CARD9: variants seen among roughly 807,000 people sequenced by gnomAD.
CARD9 encodes the protein caspase recruitment domain-containing protein 9.
Under a neutral mutation model 66.0 loss-of-function variants are expected in CARD9, and 53 were observed. That is an observed-to-expected ratio of 0.80 (90% CI 0.64 to 1.01). The LOEUF is 1.01. Among genes scored for constraint, CARD9 ranks in the 50% least tolerant of loss-of-function variants. CARD9 has a pLI of 0.00. For missense variants in CARD9, 769 were observed against 743.2 expected, an observed-to-expected ratio of 1.03 and a Z score of -0.40; for synonymous variants, 387 against 313.8, an observed-to-expected ratio of 1.23 and a Z score of -2.47.
chr9:136,371,892 G>A lies in CARD9; in HGVS notation c.184+3C>T. ...GGCCTGGGGCCCGCGGGGCAACACT[G>A]ACCCACTTTCCGTTTGCGGATGACC... On this transcript the variant is annotated splice_donor_region_variant and intron_variant, in intron 2 of 12. Transcript: ENST00000371732. 6.3e-7 allele frequency: 1 copy of A among 1,597,590 alleles called. No individual in the cohort carries two copies.
chr9:136,371,852 T>G (rs1458779389), intron 2 of CARD9, 43 bp downstream of exon 2: 3 of 1,563,552 alleles, frequency 1.9e-6, no homozygotes, highest in Non-Finnish European at 2.6e-6. Context: ...GAGCTGACTC[T>G]GTGGTTGGGT....
Position 136,364,067 on chromosome 9 carries a change from G to T in CARD9, c.*235C>A. 6.5e-7 allele frequency: 1 copy of T among 1,544,884 alleles called. No individual in the cohort carries two copies. Among genetic ancestry groups the T allele is most frequent in the Non-Finnish European group, 8.8e-7 (1 of 1,141,768 alleles). On this transcript the variant is annotated 3_prime_UTR_variant, in exon 13 of 13. Transcript: ENST00000371732. ...ACAGAACAGATCCTGAAGTTACACA[G>T]ATGGCGTGTGCATGGGGGTGGTGAG...
Position 136,364,576 on chromosome 9 carries a change from G to C in CARD9, c.1435-17C>G. ...GCCTGCGTCCTGGAGAAGGGGGAAG[G>C]CTCGGGCTCCGGCCGGCTCCCCTGA... On this transcript the variant is annotated splice_polypyrimidine_tract_variant and intron_variant, in intron 11 of 12. Transcript: ENST00000371732. The C allele has an allele frequency of 6.5e-7, 1 of 1,535,048 alleles. No homozygotes were observed. Among genetic ancestry groups the C allele is most frequent in the East Asian group, 2.4e-5 (1 of 40,842 alleles).
chr9:136,364,327 T>G lies in CARD9; in HGVS notation c.1586A>C (p.Asp529Ala). The change falls in exon 13 of 13, where the codon GAC (aspartate) becomes GCC (alanine). Residue 529 changes from aspartate (D) to alanine (A), a missense_variant. By Grantham distance (126) the Asp-to-Ala change is moderately radical. Coordinates refer to ENST00000371732, the MANE Select transcript of CARD9 (RefSeq NM_052813.5). ...CTAGGAGCCCTCAGTGTCGGTGTTG[T>G]CGCTGCCCGTGGTGTTCTCCCGGTC... ...EEDRENTTGS[D>A]NTDTEGS 1 of 1,564,344 alleles carries G rather than the reference T, an allele frequency of 6.4e-7. No homozygotes were observed. Among genetic ancestry groups the G allele is most frequent in the Non-Finnish European group, 8.7e-7 (1 of 1,155,312 alleles).
At chr9:136,366,581 T>C (rs1231549150) in intron 10 of CARD9, 5 of 602,718 alleles carry the variant, frequency 8.3e-6, no homozygotes, top group African/African-American at 3.7e-5. Context: ...AGGGGACACT[T>C]GTCCCACTAG....
chr9:136,365,637 G>A (rs1564366632), intron 10 of CARD9: 2 of 215,254 alleles, frequency 9.3e-6, no homozygotes, highest in Non-Finnish European at 9.5e-6. Context: ...CTCCTGAAGT[G>A]GGGGCAGGGG....
Position 136,367,674 on chromosome 9 carries a change from C to T in CARD9, c.1232G>A (p.Gly411Asp). Reference sequence around the variant, plus strand: ...CTCCAGCTGCTGCCGCCTGAGCCTGCCCTCCACGGCCAGTAGCTGCGCCTC... The same window carrying T: ...CTCCAGCTGCTGCCGCCTGAGCCTGTCCTCCACGGCCAGTAGCTGCGCCTC... ...QCEAQLLAVE[G>D]RLRRQQLETL... The change falls in exon 8 of 13, where the codon GGC becomes GAC. Residue 411 changes from glycine to aspartate, a missense_variant. Transcript: ENST00000371732. The T allele has an allele frequency of 6.3e-7, 1 of 1,598,322 alleles. No homozygotes were observed.
chr9:136,369,699 G>C, intron 7 of CARD9, 51 bp downstream of exon 7: 1 of 1,552,986 alleles, frequency 6.4e-7, no homozygotes, highest in Non-Finnish European at 8.7e-7. Flanking sequence ...CGTGGCCCTG[G>C]TGCACCCACC....
chr9:136,363,994 T>G lies in CARD9; in HGVS notation c.*308A>C, dbSNP rs778282710. ...TGCTGTTTATTTACGCAGCTGTGTT[T>G]TCTAACACTAATACAATGCATGCAT... On this transcript the variant is annotated 3_prime_UTR_variant, in exon 13 of 13. Transcript: ENST00000371732. 1 of 1,261,952 alleles carries G rather than the reference T, an allele frequency of 7.9e-7. No individual in the cohort carries two copies. Among genetic ancestry groups the G allele is most frequent in the Non-Finnish European group, 1.1e-6 (1 of 885,324 alleles). The allele number at this position is 1,261,952 out of a possible 1,614,324, so 78.2% of individuals were successfully genotyped here.
chr9:136,373,592 C>T lies in CARD9; in HGVS notation c.-77G>A, dbSNP rs1833326652. 3.0e-6 allele frequency: 3 copies of T among 984,812 alleles called. No individual in the cohort carries two copies. The highest frequency in any genetic ancestry group is 3.6e-6 in the Non-Finnish European group (3 of 830,236). 61.0% of individuals were successfully genotyped at this position (984,812 alleles called of 1,614,324 possible). A position where few individuals can be genotyped will look rare whatever the true frequency, so the allele number is the denominator to read the frequency against. On this transcript the variant is annotated 5_prime_UTR_variant, in exon 1 of 13. Transcript: ENST00000371732. ...ACACCAGGAGCCTGGGCCGCGGAGC[C>T]TCTGGGAGATGCTGCCCGGGGCTGC...
intron 10 of CARD9, 67 bp downstream of exon 10, chr9:136,366,733 G>A (rs1833133232): frequency 6.5e-7 from 1 of 1,549,554 alleles, no homozygotes; most frequent in South Asian, 1.1e-5. Flanking sequence ...CGGGCTGCCT[G>A]TGCTGAAGAT....
rs200458322 is a variant in CARD9 at position 136,370,446 on chromosome 9, G to T, written c.808-9C>A. 1.7e-3 allele frequency: 2,704 copies of T among 1,609,710 alleles called. 5 individuals carry two copies. The highest frequency in any genetic ancestry group is 3.3e-3 in the Middle Eastern group (20 of 6,050). On this transcript the variant is annotated splice_polypyrimidine_tract_variant and intron_variant, in intron 5 of 12. Coordinates refer to ENST00000371732, the MANE Select transcript of CARD9 (RefSeq NM_052813.5). The stretch of plus-strand genomic sequence containing the variant: ...CTGTCCAGCTTCCCCTCCTGAAGGG[G>T]GCAAAAGGCAATGGCCTGGCTGGGA...
intron 4 of CARD9, 46 bp from the exon 5 acceptor site, chr9:136,370,747 C>A (rs373386414): frequency 1.2e-6 from 2 of 1,611,810 alleles, no homozygotes; most frequent in South Asian, 2.2e-5. Context: ...AGGCGGTGAC[C>A]GCAGACCCGT....
chr9:136,366,471 C>A, intron 10 of CARD9: 1 of 445,792 alleles, frequency 2.2e-6, no homozygotes, highest in Non-Finnish European at 4.1e-6. Flanking sequence ...CCTCTGCACC[C>A]CGTGGGGGCT....
At position 136,367,723 on chromosome 9, in the gene CARD9, G is replaced by A; in HGVS notation, c.1183C>T (p.Leu395=). The part of the protein sequence containing the change: ...VRELGEKADE[L]QLQVFQCEAQ... The stretch of plus-strand genomic sequence containing the variant: ...TCACACTGGAACACCTGCAGCTGCA[G>A]CTCATCCGCCTTCTCGCCCAGCTCC... Residue 395 remains leucine (L), a synonymous_variant, in exon 8 of 13, where the codon CTG becomes TTG. Transcript: ENST00000371732. The A allele has an allele frequency of 6.2e-7, 1 of 1,605,092 alleles. No individual in the cohort carries two copies. Among genetic ancestry groups the A allele is most frequent in the Non-Finnish European group, 8.5e-7 (1 of 1,179,358 alleles).
In CARD9 at chr9:136,365,194, G is replaced by A. The variant is rs761957942; in HGVS notation, c.1381C>T (p.Pro461Ser). 1 of 1,610,050 alleles carries A rather than the reference G, an allele frequency of 6.2e-7. No homozygotes were observed. The highest frequency in any genetic ancestry group is 1.1e-5 in the South Asian group (1 of 91,004). The change falls in exon 11 of 13, where the codon CCG (proline) becomes TCG (serine). Residue 461 changes from proline to serine, a missense_variant. Physicochemically the swap from Pro to Ser is moderately conservative, Grantham distance 74. Coordinates refer to ENST00000371732, the MANE Select transcript of CARD9 (RefSeq NM_052813.5). ...DKGCLAGGGSPKQPFAALHQE... is the reference protein window; with the variant it reads ...DKGCLAGGGSSKQPFAALHQE... ...TGCAGAGCTGCAAAGGGCTGTTTCG[G>A]GCTCCCCCCGCCGGCAAGGCAGCCT...
Position 136,370,882 on chromosome 9 carries a change from T to C in CARD9, c.586A>G (p.Lys196Glu), listed in dbSNP as rs768281299. 27 of 1,606,150 alleles carry C rather than the reference T, an allele frequency of 1.7e-5. No homozygotes were observed. In the East Asian group the frequency reaches 3.4e-4, roughly 20 times the overall value. Residue 196 changes from lysine to glutamate, a missense_variant, in exon 4 of 13, where the codon AAG becomes GAG. By Grantham distance (56) the Lys-to-Glu change is moderately conservative. Coordinates refer to ENST00000371732, the MANE Select transcript of CARD9 (RefSeq NM_052813.5). ...CGGTTCCGCATGAGCGCGGCGCCCT[T>C]CTCCTCACTCTGGTGCGCCAGGCGC... ...AMRLAHQSEE[K>E]GAALMRNRDL...
intron 7 of CARD9, among the ~76,000 whole-genome samples, chr9:136,368,419 T>C (rs1400608857): frequency 6.6e-6 from 1 of 152,222 alleles, no homozygotes; most frequent in Non-Finnish European, 1.5e-5. Flanking sequence ...GGATCTGCCC[T>C]TTTCCCCTGC....
chr9:136,368,546 G>A (rs1339539163), intron 7 of CARD9, among the ~76,000 whole-genome samples: 1 of 152,366 alleles, frequency 6.6e-6, no homozygotes, highest in African/African-American at 2.4e-5. Context: ...CTCGTTTTAA[G>A]GCTCCTGATG....
Sources: gnomAD v4.1 joint callset for allele counts (sites outside exome capture counted in the v4.1 genomes callset) on GRCh38, gnomAD v4.1.1 for gene constraint, MANE v1.5 for transcripts, NCBI Gene and HGNC (gene_info 2026-07-23, HGNC 2026-07-21) for gene names.